Variants in SEMA3A observed in about 807,000 individuals in gnomAD.
The protein encoded by SEMA3A is semaphorin 3A.
A neutral mutation model predicts 97.9 loss-of-function variants in SEMA3A; 29 were observed. The ratio of observed to expected loss-of-function variants is 0.30; its 90% confidence interval spans 0.22 to 0.40. The LOEUF is 0.40. Among genes scored for constraint, SEMA3A ranks in the 10% least tolerant of loss-of-function variants. The pLI, the probability that SEMA3A is intolerant of heterozygous loss-of-function variation, is 1.00. For synonymous variants in SEMA3A, 321 were observed against 323.7 expected (o/e 0.99, Z 0.09); for missense variants, 763 against 951.3 (o/e 0.80, Z 2.60).
At chr7:84,121,638 C>CTTTTTTTTTTTTTT (rs35808952) in intron 3 of SEMA3A, among the ~76,000 whole-genome samples, 1 of 12,874 alleles carries the variant, frequency 7.8e-5, no homozygotes, top group African/African-American at 3.9e-4. Flanking sequence ...GGTTCCAAGT[C>CTTTTTTTTTTTTTT]TTTTTTTTTT....
chr7:83,985,506 G>C, intron 12 of SEMA3A, 29 bp from the exon 13 acceptor site: 4 of 1,595,840 alleles, frequency 2.5e-6, no homozygotes, highest in African/African-American at 1.3e-5. Flanking sequence ...TATGTGAGGT[G>C]TTTGGTCAAT....
At chr7:84,117,568 TTC>T (rs1026903941) in intron 3 of SEMA3A, among the ~76,000 whole-genome samples, 12 of 152,148 alleles carry the variant, frequency 7.9e-5, no homozygotes, top group African/African-American at 2.9e-4. Context: ...CTGCATTAGA[TTC>T]TCGTAGGAGC....
intron 2 of SEMA3A, among the ~76,000 whole-genome samples, chr7:84,351,442 C>G (rs2116026096): frequency 6.6e-6 from 1 of 151,744 alleles, no homozygotes; most frequent in East Asian, 1.9e-4. Flanking sequence ...AAAATGTAAA[C>G]AGTATTTTGA....
intron 14 of SEMA3A, among the ~76,000 whole-genome samples, 183 bp downstream of exon 14, chr7:83,981,138 C>CTGAT: frequency 6.6e-6 from 1 of 152,130 alleles, no homozygotes; most frequent in East Asian, 1.9e-4. Flanking sequence ...GACTTTTTTT[C>CTGAT]TGATTGTTTT....
chr7:84,375,395 A>G lies in SEMA3A; in HGVS notation c.-245-3495T>C, dbSNP rs77139304. Among the ~76,000 whole-genome samples the G allele has an allele frequency of 1.0e-3, 159 of 152,214 alleles. 2 individuals are homozygous for G. The highest frequency in any genetic ancestry group is 3.7e-3 in the African/African-American group (154 of 41,514). On this transcript the variant is annotated intron_variant, in intron 1 of 3. Coordinates refer to the SEMA3A transcript ENST00000424555. ...ATTCATTGTTCACGTATGCCACCTT[A>G]TTTGTCTTTCTAATAACCCTATGTG...
chr7:84,051,191 G>A (rs1159937669), intron 5 of SEMA3A, among the ~76,000 whole-genome samples: 4 of 148,604 alleles, frequency 2.7e-5, no homozygotes, highest in Admixed American at 6.7e-5. Context: ...TTTGCAATGC[G>A]GGCTCTTTTT....
chr7:83,974,203 C>T (rs2116295308), intron 15 of SEMA3A, among the ~76,000 whole-genome samples: 1 of 152,154 alleles, frequency 6.6e-6, no homozygotes, highest in East Asian at 1.9e-4. Flanking sequence ...CCACCGGCGA[C>T]AGAGGAGAGT....
chr7:83,975,675 A>T (rs1789120728), intron 15 of SEMA3A, among the ~76,000 whole-genome samples: 1 of 152,192 alleles, frequency 6.6e-6, no homozygotes. Flanking sequence ...TGGAGATTAA[A>T]GTCTGATTGG....
rs573417702 is a variant in SEMA3A at position 84,245,716 on chromosome 7, T to A, written c.-82-51048A>T. Among the ~76,000 whole-genome samples, 60 of 152,076 alleles carry A rather than the reference T, an allele frequency of 3.9e-4. 1 individual carries two copies. The highest frequency in any genetic ancestry group is 1.3e-3 in the African/African-American group (56 of 41,532). ...ACAGCAAAGATTGCTGCTTGTTCCT[T>A]CCCCTGGAAACTTTGTCCCAGAGGG... On this transcript the variant is annotated intron_variant, in intron 3 of 3. Coordinates refer to the SEMA3A transcript ENST00000424555.
chr7:84,242,044 T>C (rs1385019971), intron 3 of SEMA3A, among the ~76,000 whole-genome samples: 1 of 152,202 alleles, frequency 6.6e-6, no homozygotes. Context: ...TGTAGTATAG[T>C]TTCAAGTCAG....
chr7:84,117,131 A>G, intron 3 of SEMA3A, among the ~76,000 whole-genome samples: 1 of 152,176 alleles, frequency 6.6e-6, no homozygotes, highest in East Asian at 1.9e-4. Flanking sequence ...AATATCGTCC[A>G]TATATCGTAA....
rs184960224 is a variant in SEMA3A at position 84,491,872 on chromosome 7, T to C, written c.-246+588A>G. Among the ~76,000 whole-genome samples the C allele has an allele frequency of 2.6e-3, 394 of 152,266 alleles. 5 individuals are homozygous for C. Among genetic ancestry groups the C allele is most frequent in the African/African-American group, 9.3e-3 (386 of 41,568 alleles). Reference sequence around the variant, plus strand: ...GTTATTAGACAAATGACCTTTTGTTTTGTTTTGTTTGTTTTAAATACTCAC... The same window carrying C: ...GTTATTAGACAAATGACCTTTTGTTCTGTTTTGTTTGTTTTAAATACTCAC... On this transcript the variant is annotated intron_variant, in intron 1 of 3. Coordinates refer to the SEMA3A transcript ENST00000424555.
At chr7:83,985,500 T>C in intron 12 of SEMA3A, 23 bp from the exon 13 acceptor site, 1 of 1,603,550 alleles carries the variant, frequency 6.2e-7, no homozygotes, top group Non-Finnish European at 8.5e-7. Flanking sequence ...AAGAAATATG[T>C]GAGGTGTTTG....
chr7:84,056,256 C>T (rs1315477789), intron 5 of SEMA3A, among the ~76,000 whole-genome samples: 1 of 152,150 alleles, frequency 6.6e-6, no homozygotes, highest in Non-Finnish European at 1.5e-5. Flanking sequence ...TCTATTATGG[C>T]TTAGTTGCCT....
At chr7:84,102,395 G>A (rs1226949149) in intron 4 of SEMA3A, among the ~76,000 whole-genome samples, 1 of 152,072 alleles carries the variant, frequency 6.6e-6, no homozygotes, top group African/African-American at 2.4e-5. Flanking sequence ...GGCTGTGGAA[G>A]ACAATGATCT....
chr7:84,004,158 C>T (rs1203866413), intron 11 of SEMA3A, among the ~76,000 whole-genome samples: 1 of 152,040 alleles, frequency 6.6e-6, no homozygotes, highest in South Asian at 2.1e-4. Context: ...CAGTTAACAG[C>T]GTTAATGGAG....
chr7:84,296,650 T>C (rs1413033031), intron 3 of SEMA3A, among the ~76,000 whole-genome samples: 1 of 152,154 alleles, frequency 6.6e-6, no homozygotes, highest in Non-Finnish European at 1.5e-5. Flanking sequence ...AGAATCTAGA[T>C]GTCCTGAAAC....
At chr7:84,467,601 C>T (rs1016496000) in intron 1 of SEMA3A, among the ~76,000 whole-genome samples, 5 of 151,010 alleles carry the variant, frequency 3.3e-5, no homozygotes, top group Admixed American at 6.6e-5. Context: ...CACTGAACTA[C>T]GACTTCCTAT....
intron 6 of SEMA3A, among the ~76,000 whole-genome samples, chr7:84,024,886 G>A (rs1018102492): frequency 1.2e-4 from 18 of 152,218 alleles, no homozygotes; most frequent in East Asian, 9.7e-4. Flanking sequence ...TGAGGAGTTC[G>A]AGACCAGCCT....
Sources: gnomAD v4.1 joint callset for allele counts (sites outside exome capture counted in the v4.1 genomes callset) on GRCh38, gnomAD v4.1.1 for gene constraint, MANE v1.5 for transcripts, NCBI Gene and HGNC (gene_info 2026-07-23, HGNC 2026-07-21) for gene names.